Variants in CRACDL observed in about 807,000 individuals in gnomAD.
The protein encoded by CRACDL is CRACD-like protein.
In CRACDL, 26 loss-of-function variants were observed where a neutral mutation model predicts 70.6. The observed-to-expected ratio is 0.37, with a 90% CI of 0.27 to 0.51. CRACDL has a LOEUF of 0.51. Among genes scored for constraint, CRACDL ranks in the 20% least tolerant of loss-of-function variants. The pLI, the probability that CRACDL is intolerant of heterozygous loss-of-function variation, is 0.94. For synonymous variants in CRACDL, 618 were observed against 615.2 expected, an observed-to-expected ratio of 1.00 and a Z score of -0.07; for missense variants, 1,283 against 1,376.9, an observed-to-expected ratio of 0.93 and a Z score of 1.08.
chr2:98,831,290 G>A (rs1356649795), intron 5 of CRACDL, among the ~76,000 whole-genome samples: 1 of 152,156 alleles, frequency 6.6e-6, no homozygotes, highest in African/African-American at 2.4e-5. Context: ...CAGTCCTTTT[G>A]CCTTTTTCAT....
chr2:98,922,143 G>C (rs1487210529), intron 1 of CRACDL, among the ~76,000 whole-genome samples: 1 of 151,952 alleles, frequency 6.6e-6, no homozygotes, highest in Non-Finnish European at 1.5e-5. Context: ...TCCAACTAAA[G>C]AAATTAAAAT....
intron 1 of CRACDL, among the ~76,000 whole-genome samples, chr2:98,909,838 A>G (rs1558635264): frequency 6.6e-6 from 1 of 152,224 alleles, no homozygotes; most frequent in Non-Finnish European, 1.5e-5. Flanking sequence ...TACAAAGCCC[A>G]TAAGTGAGAG....
At chr2:98,898,140 T>C (rs1299923531) in intron 1 of CRACDL, among the ~76,000 whole-genome samples, 1 of 152,256 alleles carries the variant, frequency 6.6e-6, no homozygotes, top group Non-Finnish European at 1.5e-5. Flanking sequence ...GATACAAAGA[T>C]GATGAAATCC....
At chr2:98,866,856 A>G (rs779875337) in intron 1 of CRACDL, among the ~76,000 whole-genome samples, 12 of 152,046 alleles carry the variant, frequency 7.9e-5, no homozygotes, top group African/African-American at 9.7e-5. Flanking sequence ...TTCAAAATCT[A>G]TGACTCAGCT....
At chr2:98,828,250 T>C (rs1705393262) in intron 5 of CRACDL, among the ~76,000 whole-genome samples, 1 of 152,182 alleles carries the variant, frequency 6.6e-6, no homozygotes, top group African/African-American at 2.4e-5. Flanking sequence ...GCAGCCCAGA[T>C]GAGGGGCGAG....
intron 1 of CRACDL, among the ~76,000 whole-genome samples, chr2:98,904,888 G>A (rs113536825): frequency 0.01 from 1,572 of 152,258 alleles, 34 homozygotes; most frequent in East Asian, 0.074. Flanking sequence ...TCGCGGGGGC[G>A]GATCCCTCCT....
intron 1 of CRACDL, among the ~76,000 whole-genome samples, chr2:98,917,218 TC>T (rs1266983633): frequency 6.6e-6 from 1 of 152,216 alleles, no homozygotes; most frequent in Non-Finnish European, 1.5e-5. Flanking sequence ...AATGACTCAT[TC>T]CCCATCATTG....
At chr2:98,804,856 T>C (rs1456318030) in intron 7 of CRACDL, among the ~76,000 whole-genome samples, 1 of 152,224 alleles carries the variant, frequency 6.6e-6, no homozygotes, top group Non-Finnish European at 1.5e-5. Flanking sequence ...CACAGGAAGC[T>C]AACCTTGCAT....
intron 7 of CRACDL, among the ~76,000 whole-genome samples, chr2:98,802,998 CTTTT>C (rs34784675): frequency 1.6e-4 from 20 of 128,234 alleles, no homozygotes; most frequent in Non-Finnish European, 2.3e-4. Flanking sequence ...ACATGCCTGG[CTTTT>C]TTTTTTTTTT....
intron 1 of CRACDL, among the ~76,000 whole-genome samples, chr2:98,904,036 A>T (rs1708347157): frequency 6.6e-6 from 1 of 152,198 alleles, no homozygotes; most frequent in Non-Finnish European, 1.5e-5. Context: ...GCCCTGAGCC[A>T]CTTTCATCCC....
At chr2:98,843,635 A>G (rs1706128209) in intron 2 of CRACDL, among the ~76,000 whole-genome samples, 1 of 152,170 alleles carries the variant, frequency 6.6e-6, no homozygotes, top group Admixed American at 6.5e-5. Context: ...CTTTTATCCA[A>G]TGAATTGATT....
At chr2:98,795,303 T>G (rs1157947131) in intron 9 of CRACDL, among the ~76,000 whole-genome samples, 1 of 151,848 alleles carries the variant, frequency 6.6e-6, no homozygotes, top group East Asian at 1.9e-4. Context: ...CTCGAACTCC[T>G]GACCTCAGGT....
chr2:98,868,997 A>G, intron 1 of CRACDL: 2 of 851,710 alleles, frequency 2.3e-6, no homozygotes, highest in Non-Finnish European at 3.4e-6. Context: ...GATGGTGGCC[A>G]CCCACGCCCC....
At chr2:98,821,710 C>A (rs886588026) in intron 7 of CRACDL, 147 bp downstream of exon 7, 1 of 1,081,654 alleles carries the variant, frequency 9.2e-7, no homozygotes, top group Admixed American at 2.9e-5. Context: ...CTAGATCAGA[C>A]ATGATGTTAG....
intron 6 of CRACDL, among the ~76,000 whole-genome samples, chr2:98,825,186 C>A (rs1705252544): frequency 1.3e-5 from 2 of 152,086 alleles, no homozygotes; most frequent in South Asian, 4.1e-4. Flanking sequence ...ACAGAGGCCC[C>A]CGGCATCATA....
chr2:98,887,662 G>A (rs1405327930), intron 1 of CRACDL, among the ~76,000 whole-genome samples: 1 of 152,140 alleles, frequency 6.6e-6, no homozygotes, highest in Non-Finnish European at 1.5e-5. Flanking sequence ...GAAGCTTGAT[G>A]ACCTTCAAGG....
intron 4 of CRACDL, 29 bp from the exon 5 acceptor site, chr2:98,832,541 T>C (rs1287441563): frequency 1.3e-6 from 2 of 1,526,072 alleles, no homozygotes; most frequent in Middle Eastern, 1.8e-4. Flanking sequence ...CATGTGCTCT[T>C]ATTTTCATCA....
chr2:98,851,214 C>T (rs1706468794), intron 1 of CRACDL, among the ~76,000 whole-genome samples: 1 of 152,162 alleles, frequency 6.6e-6, no homozygotes, highest in South Asian at 2.1e-4. Flanking sequence ...ATCCCTTCCT[C>T]CCAAGGCTGT....
chr2:98,836,683 T>G (rs1705797646), intron 3 of CRACDL, among the ~76,000 whole-genome samples: 1 of 151,716 alleles, frequency 6.6e-6, no homozygotes, highest in African/African-American at 2.4e-5. Context: ...TGGATGGGGG[T>G]GGGTGTTAGA....
Sources: gnomAD v4.1 joint callset for allele counts (sites outside exome capture counted in the v4.1 genomes callset) on GRCh38, gnomAD v4.1.1 for gene constraint, MANE v1.5 for transcripts, NCBI Gene and HGNC (gene_info 2026-07-23, HGNC 2026-07-21) for gene names.